The following PPM1H variants were observed in gnomAD, a reference collection of about 807,000 sequenced individuals.
The protein encoded by PPM1H is protein phosphatase, Mg2+/Mn2+ dependent 1H, also known as protein phosphatase 1H.
Under a neutral mutation model 54.9 loss-of-function variants are expected in PPM1H, and 27 were observed. That is an observed-to-expected ratio of 0.49 (90% confidence interval 0.36 to 0.68). PPM1H has a LOEUF of 0.68. PPM1H is among the 30% of genes least tolerant of loss of function. The pLI is 0.00. For synonymous variants in PPM1H, 305 were observed against 270.8 expected, an observed-to-expected ratio of 1.13 and a Z score of -1.24; for missense variants, 596 against 667.8, an observed-to-expected ratio of 0.89 and a Z score of 1.19.
At chr12:62,897,139 T>C (rs1207876897) in intron 1 of PPM1H, among the ~76,000 whole-genome samples, 5 of 150,946 alleles carry the variant, frequency 3.3e-5, no homozygotes, top group African/African-American at 1.2e-4. Context: ...TTAGGAAAAA[T>C]ACCTAATGTA....
At chr12:62,921,265 AT>A (rs140214950) in intron 1 of PPM1H, among the ~76,000 whole-genome samples, 1,543 of 152,136 alleles carry the variant, frequency 0.01, 25 homozygotes, top group African/African-American at 0.033. Flanking sequence ...TTATCACAAG[AT>A]TTTTTTCCTT....
chr12:62,695,496 G>C (rs1292824270), intron 6 of PPM1H, among the ~76,000 whole-genome samples: 1 of 152,072 alleles, frequency 6.6e-6, no homozygotes, highest in Non-Finnish European at 1.5e-5. Flanking sequence ...AGGTATTCTA[G>C]GAATTGAATT....
chr12:62,844,747 T>G lies in PPM1H; in HGVS notation c.246-12468A>C, dbSNP rs1342166481. The stretch of plus-strand genomic sequence containing the variant: ...GAGTAGGTACTCGATAAATGTTAAT[T>G]GAATGAATAAACAAATGAACTCATT... On this transcript the variant is annotated intron_variant, in intron 1 of 9. Transcript: ENST00000228705. The surrounding 1 kb of genome is among the most constrained non-coding windows in gnomAD (Gnocchi z 5.2). Among the ~76,000 whole-genome samples the G allele has an allele frequency of 6.6e-6, 1 of 152,200 alleles. No individual in the cohort carries two copies. Among genetic ancestry groups the G allele is most frequent in the Admixed American group, 6.5e-5 (1 of 15,286 alleles).
chr12:62,909,202 T>TC (rs1871386662), intron 1 of PPM1H, among the ~76,000 whole-genome samples: 1 of 152,192 alleles, frequency 6.6e-6, no homozygotes, highest in Non-Finnish European at 1.5e-5. Flanking sequence ...TCCACTACTA[T>TC]CATCCTGGCC....
At position 62,647,445 on chromosome 12, in the gene PPM1H, A is replaced by C. The variant is rs2075792257; in HGVS notation, c.*1044T>G. ...CACAAGCCATGAAACATGAATCCAA[A>C]ATGGTCCCCAGATGAGCCATGGTGA... On this transcript the variant is annotated 3_prime_UTR_variant, in exon 10 of 10. Coordinates refer to ENST00000228705, the MANE Select transcript of PPM1H (RefSeq NM_020700.2). The C allele has an allele frequency of 6.6e-6, 1 of 152,282 alleles. No homozygotes were observed. Among genetic ancestry groups the C allele is most frequent in the African/African-American group, 2.4e-5 (1 of 41,450 alleles). The allele number at this position is 152,282 out of a possible 1,614,324, so 9.4% of individuals were successfully genotyped here.
intron 1 of PPM1H, among the ~76,000 whole-genome samples, chr12:62,854,619 G>A (rs1047237902): frequency 2.0e-5 from 3 of 152,050 alleles, no homozygotes; most frequent in Non-Finnish European, 4.4e-5. Flanking sequence ...GCATACTGTA[G>A]GGCCTCAAAA....
intron 1 of PPM1H, among the ~76,000 whole-genome samples, chr12:62,929,618 C>G (rs763973137): frequency 6.6e-6 from 1 of 152,096 alleles, no homozygotes; most frequent in Middle Eastern, 3.2e-3. Context: ...TAAACACCCC[C>G]CTGCATGGTT....
At chr12:62,700,469 C>T (rs1424135820) in intron 6 of PPM1H, among the ~76,000 whole-genome samples, 1 of 152,186 alleles carries the variant, frequency 6.6e-6, no homozygotes, top group Admixed American at 6.5e-5. Flanking sequence ...TAGAACTTGT[C>T]ACCTTCTCAA....
chr12:62,865,386 C>G (rs549671888), intron 1 of PPM1H, among the ~76,000 whole-genome samples: 1 of 152,300 alleles, frequency 6.6e-6, no homozygotes, highest in East Asian at 1.9e-4. Flanking sequence ...TAATATCCTC[C>G]CCTCCTCTGT....
At chr12:62,830,537 G>A (rs1319138895) in intron 2 of PPM1H, among the ~76,000 whole-genome samples, 1 of 152,150 alleles carries the variant, frequency 6.6e-6, no homozygotes, top group Non-Finnish European at 1.5e-5. Context: ...TTACAGGCGT[G>A]AGCCACCGCA....
intron 1 of PPM1H, among the ~76,000 whole-genome samples, chr12:62,925,447 A>T (rs1871944510): frequency 6.6e-6 from 1 of 152,152 alleles, no homozygotes; most frequent in Non-Finnish European, 1.5e-5. Flanking sequence ...GCGTGGTGGC[A>T]TGTGCCTGTA....
chr12:62,911,299 AT>A (rs1737725862), intron 1 of PPM1H, among the ~76,000 whole-genome samples: 1 of 152,236 alleles, frequency 6.6e-6, no homozygotes, highest in South Asian at 2.1e-4. Flanking sequence ...AGTTTGTCAA[AT>A]TTTTAAACCC....
chr12:62,885,948 C>A (rs1359995159), intron 1 of PPM1H, among the ~76,000 whole-genome samples: 2 of 152,176 alleles, frequency 1.3e-5, no homozygotes, highest in Non-Finnish European at 2.9e-5. Flanking sequence ...AGTCACACAT[C>A]AAATCAAATT....
chr12:62,660,047 A>C (rs752038058), intron 9 of PPM1H, among the ~76,000 whole-genome samples: 39 of 152,324 alleles, frequency 2.6e-4, no homozygotes, highest in Non-Finnish European at 4.7e-4. Flanking sequence ...AGCCTCTGGA[A>C]TTATAGTGGG....
chr12:62,863,734 A>C (rs1869685311), intron 1 of PPM1H, among the ~76,000 whole-genome samples: 1 of 152,188 alleles, frequency 6.6e-6, no homozygotes, highest in African/African-American at 2.4e-5. Flanking sequence ...TTCAGGAAAA[A>C]AGTGGGTTTA....
chr12:62,918,766 A>G (rs987075774), intron 1 of PPM1H, among the ~76,000 whole-genome samples: 7 of 152,252 alleles, frequency 4.6e-5, no homozygotes, highest in African/African-American at 1.7e-4. Flanking sequence ...GCTATTAAAA[A>G]TGATAGAGTA....
intron 9 of PPM1H, among the ~76,000 whole-genome samples, chr12:62,656,253 C>G (rs2075843526): frequency 6.6e-6 from 1 of 152,132 alleles, no homozygotes; most frequent in South Asian, 2.1e-4. Flanking sequence ...ATGGGTGGCT[C>G]TGGAAGAAGT....
chr12:62,769,712 T>C (rs1006835657), intron 4 of PPM1H, among the ~76,000 whole-genome samples: 1 of 152,088 alleles, frequency 6.6e-6, no homozygotes, highest in African/African-American at 2.4e-5. Flanking sequence ...CATGTCTCAA[T>C]TGATTTAAAA....
At chr12:62,847,411 C>A (rs962783032) in intron 1 of PPM1H, among the ~76,000 whole-genome samples, 3 of 152,102 alleles carry the variant, frequency 2.0e-5, no homozygotes, top group Admixed American at 6.6e-5. Context: ...CTGCAAGGGC[C>A]GTGAAGGTAG....
Sources: allele counts gnomAD v4.1 joint callset (sites outside exome capture counted in the v4.1 genomes callset), GRCh38; gene constraint gnomAD v4.1.1; non-coding constraint Gnocchi (gnomAD v3.1); transcripts MANE v1.5; gene names NCBI Gene and HGNC (gene_info 2026-07-23, HGNC 2026-07-21).